Variants in CADPS2 observed in about 807,000 individuals in gnomAD.
The protein encoded by CADPS2 is calcium dependent secretion activator 2.
CADPS2 carries 93 observed loss-of-function variants against 172.5 expected under a neutral mutation model. That is an observed-to-expected ratio of 0.54 (90% confidence interval 0.46 to 0.64). CADPS2 has a LOEUF of 0.64. CADPS2 is among the 30% of genes least tolerant of loss of function. CADPS2 has a pLI of 0.00. For missense variants in CADPS2, 1,420 were observed against 1,565.9 expected (o/e 0.91, Z 1.57); for synonymous variants, 546 against 555.2 (o/e 0.98, Z 0.23).
chr7:122,814,567 A>G (rs1800837258), intron 1 of CADPS2, among the ~76,000 whole-genome samples: 2 of 152,128 alleles, frequency 1.3e-5, no homozygotes, highest in African/African-American at 4.8e-5. Context: ...TAGTGTCTAT[A>G]AACTAAGTTT....
rs563632621 is a variant in CADPS2, at chr7:122,372,826, G to A, written c.3387+6542C>T. 1.4e-3 allele frequency among the ~76,000 whole-genome samples: 210 copies of A among 152,230 alleles called. 1 individual carries two copies. The highest frequency in any genetic ancestry group is 4.7e-3 in the African/African-American group (196 of 41,546). ...TGCTCTTTACAGATTTCCCAGAGAC[G>A]TAGAATCAGTTAAGTGCATTGGATT... is the stretch of plus-strand genomic sequence containing the variant. On this transcript the variant is annotated intron_variant, in intron 25 of 29. Transcript: ENST00000449022.
At chr7:122,784,356 A>G (rs1336632681) in intron 1 of CADPS2, among the ~76,000 whole-genome samples, 2 of 152,196 alleles carry the variant, frequency 1.3e-5, no homozygotes, top group African/African-American at 2.4e-5. Flanking sequence ...ACAAATCCCA[A>G]AACAGCTATC....
At chr7:122,684,682 G>A (rs916641773) in intron 2 of CADPS2, among the ~76,000 whole-genome samples, 2 of 152,084 alleles carry the variant, frequency 1.3e-5, no homozygotes, top group Non-Finnish European at 2.9e-5. Context: ...GAGAAGATGG[G>A]TGATATGCCA....
At chr7:122,673,162 G>A (rs868622418) in intron 2 of CADPS2, among the ~76,000 whole-genome samples, 1 of 152,202 alleles carries the variant, frequency 6.6e-6, no homozygotes, top group African/African-American at 2.4e-5. Flanking sequence ...TAAAGGCGGT[G>A]CGGACCCAAA....
intron 1 of CADPS2, among the ~76,000 whole-genome samples, chr7:122,827,443 A>C (rs1194828921): frequency 1.3e-4 from 3 of 23,126 alleles, no homozygotes; most frequent in African/African-American, 1.3e-3. Flanking sequence ...GACCAGCCTG[A>C]CCAACATGGA....
chr7:122,560,064 GA>G (rs1270887633), intron 7 of CADPS2, among the ~76,000 whole-genome samples: 1 of 152,110 alleles, frequency 6.6e-6, no homozygotes, highest in Admixed American at 6.6e-5. Flanking sequence ...ACCTGAGCAG[GA>G]AAAAGTTTAG....
chr7:122,537,537 C>A (rs535751013), intron 8 of CADPS2, among the ~76,000 whole-genome samples: 1 of 151,478 alleles, frequency 6.6e-6, no homozygotes, highest in Non-Finnish European at 1.5e-5. Flanking sequence ...AAAACTTTTC[C>A]TTGAGTAATA....
At position 122,474,429 on chromosome 7, in the gene CADPS2, G is replaced by A; in HGVS notation, c.1950C>T (p.Leu650=). The A allele has an allele frequency of 1.2e-6, 2 of 1,613,328 alleles. No homozygotes were observed. Among genetic ancestry groups the A allele is most frequent in the Non-Finnish European group, 1.7e-6 (2 of 1,179,640 alleles). ...GTCTGTGATCCAAAGTCTGCCTCTG[G>A]AGTATTCTAAAAAGGAAGGCATGAT... ...KLDHAFLFRI[L]QRQTLDHRLN... The change falls in exon 13 of 30, where the codon CTC becomes CTT. Residue 650 remains leucine, a synonymous_variant. Transcript: ENST00000449022.
At chr7:122,488,426 C>T (rs1436370570) in intron 11 of CADPS2, among the ~76,000 whole-genome samples, 1 of 152,180 alleles carries the variant, frequency 6.6e-6, no homozygotes, top group Non-Finnish European at 1.5e-5. Context: ...CTGGGGAATA[C>T]CCAACAAGTT....
chr7:122,622,151 C>T (rs1198761977), intron 4 of CADPS2, among the ~76,000 whole-genome samples: 1 of 152,054 alleles, frequency 6.6e-6, no homozygotes. Context: ...AACAATAGCC[C>T]AATTTCTTAC....
intron 1 of CADPS2, among the ~76,000 whole-genome samples, chr7:122,793,137 C>T (rs1431503098): frequency 6.6e-6 from 1 of 152,002 alleles, no homozygotes; most frequent in Non-Finnish European, 1.5e-5. Context: ...TTTTCATTTC[C>T]ATTGATTGAA....
intron 1 of CADPS2, among the ~76,000 whole-genome samples, chr7:122,863,307 G>T (rs2141328347): frequency 6.6e-6 from 1 of 152,070 alleles, no homozygotes; most frequent in African/African-American, 2.4e-5. Flanking sequence ...ATTATTTCTA[G>T]GCTCAAATAA....
intron 17 of CADPS2, among the ~76,000 whole-genome samples, chr7:122,430,224 G>A (rs2049715118): frequency 6.6e-6 from 1 of 152,134 alleles, no homozygotes. Context: ...TTTGTTCAGG[G>A]CACCTCCACA....
intron 3 of CADPS2, among the ~76,000 whole-genome samples, chr7:122,634,219 T>A (rs567891134): frequency 2.3e-4 from 35 of 152,274 alleles, no homozygotes; most frequent in African/African-American, 7.7e-4. Flanking sequence ...TTAAAAATAG[T>A]TTCAGGAGGA....
intron 24 of CADPS2, among the ~76,000 whole-genome samples, chr7:122,379,664 A>AT (rs2042762076): frequency 6.6e-6 from 1 of 152,118 alleles, no homozygotes; most frequent in South Asian, 2.1e-4. Context: ...TAAGCAGCTA[A>AT]TGGGGTTATT....
chr7:122,392,038 G>A (rs1026987793), intron 22 of CADPS2, among the ~76,000 whole-genome samples: 1 of 152,080 alleles, frequency 6.6e-6, no homozygotes, highest in African/African-American at 2.4e-5. Flanking sequence ...AAGATTAAAT[G>A]AGATAAATAA....
In CADPS2 at chr7:122,387,567, G is replaced by A. The variant is rs566402224; in HGVS notation, c.3165-394C>T. Among the ~76,000 whole-genome samples, 201 of 152,124 alleles carry A rather than the reference G, an allele frequency of 1.3e-3. 2 individuals carry two copies. In the South Asian group the frequency reaches 0.017, roughly 13 times the overall value. On this transcript the variant is annotated intron_variant, in intron 23 of 29. Transcript: ENST00000449022. ...TTTAAGCAGAATATATCCTCTATGT[G>A]AGGTCTTACCAAATTAGAAAAAATA...
intron 1 of CADPS2, among the ~76,000 whole-genome samples, chr7:122,843,653 C>T (rs1007577423): frequency 2.6e-5 from 4 of 152,108 alleles, no homozygotes; most frequent in Admixed American, 2.6e-4. Context: ...GGTAATTTCA[C>T]CATAAAACTG....
Position 122,451,483 on chromosome 7 carries a change from A to C in CADPS2, c.2187-8T>G. 1 of 1,480,892 alleles carries C rather than the reference A, an allele frequency of 6.8e-7. No individual in the cohort carries two copies. Among genetic ancestry groups the C allele is most frequent in the Non-Finnish European group, 9.2e-7 (1 of 1,085,932 alleles). 91.7% of individuals were successfully genotyped at this position (1,480,892 alleles called of 1,614,324 possible). A position where few individuals can be genotyped will look rare whatever the true frequency, so the allele number is the denominator to read the frequency against. ...GTCCCAATTCCATCAGGCCTGAAAA[A>C]AAAATCAGAATCAATAATTCATATT... On this transcript the variant is annotated splice_polypyrimidine_tract_variant and splice_region_variant and intron_variant, in intron 14 of 29. Coordinates refer to ENST00000449022, the MANE Select transcript of CADPS2 (RefSeq NM_017954.11).
Sources: allele counts gnomAD v4.1 joint callset (sites outside exome capture counted in the v4.1 genomes callset), GRCh38; gene constraint gnomAD v4.1.1; transcripts MANE v1.5; gene names NCBI Gene and HGNC (gene_info 2026-07-23, HGNC 2026-07-21).